SGCZ: variants seen among roughly 807,000 people sequenced by gnomAD.
The protein encoded by SGCZ is zeta-sarcoglycan.
A neutral mutation model predicts 41.3 loss-of-function variants in SGCZ; 40 were observed. The ratio of observed to expected loss-of-function variants is 0.97; its 90% CI spans 0.75 to 1.26. The LOEUF (loss-of-function observed/expected upper bound fraction) is 1.26. Ranked by LOEUF, SGCZ falls within the 50% of genes most tolerant of loss-of-function variation. The pLI is 0.00. For synonymous variants in SGCZ, 206 were observed against 137.5 expected (o/e 1.50, Z -3.49); for missense variants, 552 against 369.8 (o/e 1.49, Z -4.04).
chr8:15,205,810 C>A (rs1801041279), intron 1 of SGCZ, among the ~76,000 whole-genome samples: 1 of 152,122 alleles, frequency 6.6e-6, no homozygotes, highest in Admixed American at 6.5e-5. Context: ...GACACATGCA[C>A]ACAAATGTTC....
chr8:15,143,609 C>T (rs1798959614), intron 1 of SGCZ, among the ~76,000 whole-genome samples: 1 of 152,160 alleles, frequency 6.6e-6, no homozygotes, highest in South Asian at 2.1e-4. Context: ...ATGGGTTTAA[C>T]CCATCTATTA....
chr8:14,621,826 G>T (rs900480879), intron 1 of SGCZ, among the ~76,000 whole-genome samples: 1 of 151,992 alleles, frequency 6.6e-6, no homozygotes, highest in African/African-American at 2.4e-5. Flanking sequence ...CTGAGATTTG[G>T]TTGGGGACGC....
At chr8:15,108,707 G>A (rs1806929913) in intron 1 of SGCZ, among the ~76,000 whole-genome samples, 1 of 152,104 alleles carries the variant, frequency 6.6e-6, no homozygotes, top group Admixed American at 6.5e-5. Context: ...CTATATCGAA[G>A]ATATTTGAAA....
chr8:14,138,529 G>C (rs1367183056), intron 5 of SGCZ, among the ~76,000 whole-genome samples: 1 of 151,892 alleles, frequency 6.6e-6, no homozygotes, highest in African/African-American at 2.4e-5. Context: ...AAAAAAAGGG[G>C]GGGTTGCATT....
intron 2 of SGCZ, among the ~76,000 whole-genome samples, chr8:14,369,071 A>G (rs1279698572): frequency 6.8e-6 from 1 of 146,158 alleles, no homozygotes; most frequent in Non-Finnish European, 1.5e-5. Flanking sequence ...TTTACCTGAA[A>G]CAATATTTTC....
intron 1 of SGCZ, among the ~76,000 whole-genome samples, chr8:15,167,782 T>A (rs1420547155): frequency 2.0e-5 from 3 of 152,214 alleles, no homozygotes; most frequent in Non-Finnish European, 2.9e-5. Flanking sequence ...TGCCTATATT[T>A]TAGGCTAACC....
intron 4 of SGCZ, among the ~76,000 whole-genome samples, chr8:14,233,841 G>A (rs182432514): frequency 6.6e-6 from 1 of 151,654 alleles, no homozygotes; most frequent in Non-Finnish European, 1.5e-5. Flanking sequence ...TTTTGACCTG[G>A]AGAATGGTTC....
rs143954198 is a variant in SGCZ at position 14,170,281 on chromosome 8, A to C, written c.425-5579T>G. 1.2e-3 allele frequency among the ~76,000 whole-genome samples: 182 copies of C among 152,262 alleles called. 1 individual carries two copies. The highest frequency in any genetic ancestry group is 4.1e-3 in the African/African-American group (172 of 41,554). ...AAGTAATGCTGTGAGGAAAGGTACA[A>C]AAACATTCTGAGGTGAATTTTCTCA... On this transcript the variant is annotated intron_variant, in intron 4 of 7. Transcript: ENST00000382080.
chr8:14,225,005 A>C (rs572119018), intron 4 of SGCZ, among the ~76,000 whole-genome samples: 7 of 152,228 alleles, frequency 4.6e-5, no homozygotes, highest in African/African-American at 1.7e-4. Flanking sequence ...TTTGACACTA[A>C]ATCAGCTTTG....
intron 1 of SGCZ, among the ~76,000 whole-genome samples, chr8:15,098,333 TG>T (rs1193260987): frequency 6.6e-6 from 1 of 152,190 alleles, no homozygotes; most frequent in African/African-American, 2.4e-5. Context: ...TTGGTAATTA[TG>T]TTAGATGCAA....
chr8:14,343,996 A>C (rs906054561), intron 2 of SGCZ, among the ~76,000 whole-genome samples: 1 of 152,180 alleles, frequency 6.6e-6, no homozygotes, highest in African/African-American at 2.4e-5. Context: ...AAGAGGATAC[A>C]AAATTTCATG....
At chr8:14,321,675 AT>A (rs1219631218) in intron 3 of SGCZ, among the ~76,000 whole-genome samples, 3 of 151,866 alleles carry the variant, frequency 2.0e-5, no homozygotes, top group Non-Finnish European at 2.9e-5. Flanking sequence ...TCTACCCAGC[AT>A]TTTTTTTCTC....
intron 2 of SGCZ, among the ~76,000 whole-genome samples, chr8:14,421,242 TTC>T (rs1799629408): frequency 1.3e-5 from 2 of 152,118 alleles, no homozygotes; most frequent in Middle Eastern, 3.2e-3. Flanking sequence ...TTTTCTTTCC[TTC>T]TCCTGCCACA....
chr8:14,544,214 T>C (rs1338248594), intron 2 of SGCZ, among the ~76,000 whole-genome samples: 2 of 152,176 alleles, frequency 1.3e-5, no homozygotes, highest in Non-Finnish European at 2.9e-5. Context: ...TAATTTCTTA[T>C]GCCTGTCTTT....
At chr8:15,075,233 A>T (rs1805489269) in intron 1 of SGCZ, among the ~76,000 whole-genome samples, 1 of 152,188 alleles carries the variant, frequency 6.6e-6, no homozygotes, top group Non-Finnish European at 1.5e-5. Context: ...GACAAAAAAA[A>T]AAAATGGATT....
At chr8:15,055,039 C>T (rs960808112) in intron 1 of SGCZ, among the ~76,000 whole-genome samples, 1 of 151,858 alleles carries the variant, frequency 6.6e-6, no homozygotes, top group African/African-American at 2.4e-5. Context: ...ACTTCTCTTA[C>T]ACCTCCTAAG....
intron 4 of SGCZ, among the ~76,000 whole-genome samples, chr8:14,211,080 C>A (rs1318447641): frequency 1.3e-5 from 2 of 152,164 alleles, no homozygotes; most frequent in African/African-American, 2.4e-5. Context: ...CGTCTTTCAT[C>A]TCTAAATCCA....
At chr8:14,508,463 C>T (rs536666024) in intron 2 of SGCZ, among the ~76,000 whole-genome samples, 1 of 152,080 alleles carries the variant, frequency 6.6e-6, no homozygotes, top group East Asian at 1.9e-4. Context: ...TGACTGGGAC[C>T]CCAGAGACAG....
At chr8:14,158,638 A>G (rs1431955062) in intron 5 of SGCZ, among the ~76,000 whole-genome samples, 5 of 152,176 alleles carry the variant, frequency 3.3e-5, no homozygotes, top group Non-Finnish European at 7.3e-5. Flanking sequence ...TGGAGGCTAG[A>G]TATTTGGAAA....
Sources: allele counts gnomAD v4.1 joint callset (sites outside exome capture counted in the v4.1 genomes callset), GRCh38; gene constraint gnomAD v4.1.1; transcripts MANE v1.5; gene names NCBI Gene and HGNC (gene_info 2026-07-23, HGNC 2026-07-21).